Variants in LARP4B observed in about 807,000 individuals in gnomAD.
The protein encoded by LARP4B is la-related protein 4B.
Under a neutral mutation model 89.8 loss-of-function variants are expected in LARP4B, and 12 were observed. The ratio of observed to expected loss-of-function variants is 0.13; its 90% CI spans 0.09 to 0.22. LARP4B has a LOEUF of 0.22. LARP4B is among the 10% of genes least tolerant of loss of function. The pLI, the probability that LARP4B is intolerant of heterozygous loss-of-function variation, is 1.00. For missense variants in LARP4B, 757 were observed against 947.7 expected, an observed-to-expected ratio of 0.80 and a Z score of 2.64; for synonymous variants, 367 against 363.3, an observed-to-expected ratio of 1.01 and a Z score of -0.12.
chr10:936,781 T>C (rs1426420208), upstream of LARP4B, among the ~76,000 whole-genome samples: 4 of 152,078 alleles, frequency 2.6e-5, no homozygotes, highest in Non-Finnish European at 4.4e-5. Context: ...CTTAGAAGGT[T>C]TTGCTGTGGA....
intron 3 of LARP4B, among the ~76,000 whole-genome samples, chr10:882,711 G>C (rs1835720714): frequency 6.6e-6 from 1 of 152,186 alleles, no homozygotes; most frequent in Non-Finnish European, 1.5e-5. Flanking sequence ...TTTTTGGAGA[G>C]GGCAGGAAGC....
In LARP4B at chr10:869,486, A is replaced by G. The variant is rs1835085313; in HGVS notation, c.142-5216T>C. Among the ~76,000 whole-genome samples, 2 of 152,234 alleles carry G rather than the reference A, an allele frequency of 1.3e-5. 1 individual carries two copies. Among genetic ancestry groups the G allele is most frequent in the South Asian group, 4.1e-4 (2 of 4,834 alleles). ...TTAAGTACACCAAACAAGAATTCAT[A>G]TTCTCCAATTTGGAAATCATTAATG... On this transcript the variant is annotated intron_variant, in intron 3 of 17. Transcript: ENST00000316157.
intron 1 of LARP4B, among the ~76,000 whole-genome samples, chr10:914,301 T>C (rs940602477): frequency 6.6e-6 from 1 of 152,094 alleles, no homozygotes; most frequent in Non-Finnish European, 1.5e-5. Context: ...TTTTAAAAGA[T>C]GTAAGGAAAG....
chr10:830,092 GA>G (rs1268675681), intron 9 of LARP4B, among the ~76,000 whole-genome samples: 1 of 152,160 alleles, frequency 6.6e-6, no homozygotes, highest in African/African-American at 2.4e-5. Flanking sequence ...TGCAGTTCAG[GA>G]AATACCAGAC....
intron 8 of LARP4B, among the ~76,000 whole-genome samples, chr10:832,651 A>G (rs768589526): frequency 5.3e-4 from 81 of 152,352 alleles, no homozygotes; most frequent in Admixed American, 7.8e-4. Flanking sequence ...GTATACCAGA[A>G]GAGAGAGTAT....
intron 5 of LARP4B, among the ~76,000 whole-genome samples, chr10:847,729 C>T (rs757356111): frequency 1.9e-4 from 29 of 152,122 alleles, no homozygotes; most frequent in African/African-American, 5.6e-4. Flanking sequence ...CAGGGTTTCA[C>T]CATGTTGGTC....
the LARP4B span, among the ~76,000 whole-genome samples, chr10:956,647 CA>C: frequency 6.6e-6 from 1 of 152,098 alleles, no homozygotes; most frequent in South Asian, 2.1e-4. The surrounding 1 kb of genome is among the most constrained non-coding windows in gnomAD (Gnocchi z 4.3). Context: ...GTGCCCGGCC[CA>C]AAAATTCTTT....
chr10:889,619 A>G (rs1483911258), intron 1 of LARP4B, among the ~76,000 whole-genome samples: 2 of 152,182 alleles, frequency 1.3e-5, no homozygotes, highest in Non-Finnish European at 2.9e-5. Flanking sequence ...GCATTTACTC[A>G]ATCCAATGTC....
intron 1 of LARP4B, among the ~76,000 whole-genome samples, chr10:906,184 C>G (rs991308447): frequency 1.1e-4 from 16 of 152,138 alleles, no homozygotes; most frequent in African/African-American, 3.9e-4. Context: ...TAAAGTGCAG[C>G]TGAGAGACAG....
At chr10:831,696 C>T (rs571084147) in intron 8 of LARP4B, among the ~76,000 whole-genome samples, 10 of 152,184 alleles carry the variant, frequency 6.6e-5, no homozygotes, top group African/African-American at 1.4e-4. Context: ...GCACTGCTTC[C>T]GCAGTGGGGA....
chr10:962,044 G>T, the LARP4B span, among the ~76,000 whole-genome samples: 1 of 152,106 alleles, frequency 6.6e-6, no homozygotes, highest in Admixed American at 6.6e-5. Context: ...TGTAATCCCA[G>T]CACTTTGGGA....
intron 5 of LARP4B, among the ~76,000 whole-genome samples, chr10:850,066 G>A (rs1833965073): frequency 6.6e-6 from 1 of 152,182 alleles, no homozygotes; most frequent in Non-Finnish European, 1.5e-5. Context: ...TGGGACAAAT[G>A]TACCATATTA....
At chr10:864,386 T>C (rs574136002) in intron 3 of LARP4B, 116 bp from the exon 4 acceptor site, 1 of 881,018 alleles carries the variant, frequency 1.1e-6, no homozygotes, top group East Asian at 2.6e-5. Context: ...AGCCTATGTA[T>C]TTATACACAC....
At chr10:973,412 C>T in the LARP4B span, among the ~76,000 whole-genome samples, 1 of 151,980 alleles carries the variant, frequency 6.6e-6, no homozygotes. Flanking sequence ...AGTGCAGTGG[C>T]ATGATCTTAG....
chr10:981,002 T>TA, the LARP4B span, among the ~76,000 whole-genome samples: 52 of 152,362 alleles, frequency 3.4e-4, no homozygotes, highest in Non-Finnish European at 6.0e-4. Flanking sequence ...CTGTTAGAAT[T>TA]AGCCAGGCTA....
intron 1 of LARP4B, among the ~76,000 whole-genome samples, chr10:913,429 T>C (rs147059621): frequency 6.8e-4 from 103 of 152,294 alleles, no homozygotes; most frequent in African/African-American, 2.0e-3. Flanking sequence ...ATCAGACAAA[T>C]AGAAACTCAA....
the LARP4B span, among the ~76,000 whole-genome samples, chr10:973,533 A>G: frequency 6.6e-6 from 1 of 151,946 alleles, no homozygotes; most frequent in Non-Finnish European, 1.5e-5. Flanking sequence ...TTGTATTTTT[A>G]GTAGAGACGG....
chr10:968,786 C>A, the LARP4B span, among the ~76,000 whole-genome samples: 1 of 152,256 alleles, frequency 6.6e-6, no homozygotes, highest in African/African-American at 2.4e-5. Flanking sequence ...GCGTGAGCGC[C>A]TTCGCGTATG....
At chr10:873,021 A>G in intron 3 of LARP4B, 1 of 985,378 alleles carries the variant, frequency 1.0e-6, no homozygotes, top group Non-Finnish European at 1.2e-6. Flanking sequence ...ACGGTATCAA[A>G]TAATGAAGAC....
Sources: gnomAD v4.1 joint callset for allele counts (sites outside exome capture counted in the v4.1 genomes callset) on GRCh38, gnomAD v4.1.1 for gene constraint, Gnocchi (gnomAD v3.1) non-coding constraint, MANE v1.5 for transcripts, NCBI Gene and HGNC (gene_info 2026-07-23, HGNC 2026-07-21) for gene names.